The following NFYA variants were observed in gnomAD, a reference collection of about 807,000 sequenced individuals.
NFYA encodes CAAT-box DNA binding protein subunit A.
Under a neutral mutation model 52.8 loss-of-function variants are expected in NFYA, and 28 were observed. The observed-to-expected ratio is 0.53, with a 90% CI of 0.39 to 0.73. The LOEUF is 0.73. Among genes scored for constraint, NFYA ranks in the 30% least tolerant of loss-of-function variants. The probability of loss-of-function intolerance (pLI) is 0.00; values close to 1 mark genes in which losing one functional copy is unlikely to be tolerated. For synonymous variants in NFYA, 150 were observed against 150.7 expected (o/e 1.00, Z 0.03); for missense variants, 234 against 427.0 (o/e 0.55, Z 3.98).
chr6:41,091,604 CA>C lies in NFYA; in HGVS notation c.626del (p.Asn209IlefsTer14). On this transcript the variant is annotated frameshift_variant, in exon 7 of 10. Coordinates refer to ENST00000341376, the MANE Select transcript of NFYA (RefSeq NM_002505.5). LOFTEE classifies it high-confidence loss of function. The part of the protein sequence containing the change: ...AGAQIVQTGA[N>X]TNTTSSGQGT... ...GAGCACAGATTGTTCAAACAGGAGC[CA>C]ATACCAACACAACCAGCAGTGGGCA... 6.2e-7 allele frequency: 1 copy of C among 1,614,196 alleles called. No individual in the cohort carries two copies. The highest frequency in any genetic ancestry group is 8.5e-7 in the Non-Finnish European group (1 of 1,180,030).
chr6:41,096,448 T>C (rs1764360423), intron 9 of NFYA, among the ~76,000 whole-genome samples: 2 of 152,258 alleles, frequency 1.3e-5, no homozygotes. Context: ...CTTTTATTTT[T>C]ATCTGTAAAG....
intron 8 of NFYA, among the ~76,000 whole-genome samples, chr6:41,093,416 A>C (rs1309949314): frequency 6.6e-6 from 1 of 152,080 alleles, no homozygotes; most frequent in Non-Finnish European, 1.5e-5. Context: ...TCATGGTCCA[A>C]GATTCCTGCT....
chr6:41,075,506 ATTTC>A (rs1763709742), intron 1 of NFYA: 1 of 151,928 alleles, frequency 6.6e-6, no homozygotes, highest in South Asian at 2.1e-4. Context: ...CTGCAGAAGA[ATTTC>A]TTTGTCTGAC....
chr6:41,080,433 A>C (rs542804468), intron 2 of NFYA, among the ~76,000 whole-genome samples: 1 of 152,348 alleles, frequency 6.6e-6, no homozygotes, highest in South Asian at 2.1e-4. Context: ...TTTTTATGGT[A>C]GTTTCAGGGC....
chr6:41,082,273 T>G (rs1235215185), intron 3 of NFYA, among the ~76,000 whole-genome samples: 1 of 152,254 alleles, frequency 6.6e-6, no homozygotes, highest in South Asian at 2.1e-4. Flanking sequence ...CTTGTAGGCA[T>G]TCCAAAATTG....
intron 4 of NFYA, among the ~76,000 whole-genome samples, chr6:41,084,506 T>C (rs1020445728): frequency 6.6e-6 from 1 of 152,100 alleles, no homozygotes. Context: ...GTTAGAAAAA[T>C]AACAAAACGA....
At chr6:41,088,535 T>C (rs1349934333) in intron 4 of NFYA, among the ~76,000 whole-genome samples, 1 of 152,156 alleles carries the variant, frequency 6.6e-6, no homozygotes, top group Non-Finnish European at 1.5e-5. Flanking sequence ...CAAGGTGTTG[T>C]CCTGGGCTGC....
rs1335194251 is a variant in NFYA at position 41,100,430 on chromosome 6, C to T, written c.*3020C>T. Among the ~76,000 whole-genome samples, 8 of 152,184 alleles carry T rather than the reference C, an allele frequency of 5.3e-5. No homozygotes were observed. Among genetic ancestry groups the T allele is most frequent in the African/African-American group, 1.9e-4 (8 of 41,440 alleles). On this transcript the variant is annotated 3_prime_UTR_variant, in exon 10 of 10. Transcript: ENST00000341376. ...CTCACCTTGTTACTGTTTTACCTTA[C>T]GGTCGCTGGGAATCTAAGCAACAAA...
intron 3 of NFYA, among the ~76,000 whole-genome samples, chr6:41,083,557 A>G (rs1262742354): frequency 6.6e-6 from 1 of 152,180 alleles, no homozygotes; most frequent in African/African-American, 2.4e-5. Context: ...AAGCTTCCAG[A>G]GCTGCTTGCT....
intron 3 of NFYA, among the ~76,000 whole-genome samples, chr6:41,081,588 T>C (rs1763907076): frequency 6.6e-6 from 1 of 152,194 alleles, no homozygotes; most frequent in Admixed American, 6.5e-5. Flanking sequence ...GAAGGAAATA[T>C]ATACATATAC....
intron 4 of NFYA, among the ~76,000 whole-genome samples, chr6:41,084,574 AAAT>A (rs749967221): frequency 2.9e-4 from 44 of 152,398 alleles, no homozygotes; most frequent in Non-Finnish European, 4.4e-4. Context: ...AGGATAAATA[AAAT>A]CTAGATTGTT....
At chr6:41,073,436 C>G (rs958531352) in intron 1 of NFYA, among the ~76,000 whole-genome samples, 1 of 152,018 alleles carries the variant, frequency 6.6e-6, no homozygotes, top group African/African-American at 2.4e-5. Flanking sequence ...TGGCCCTACA[C>G]TAGGGGACAC....
At chr6:41,075,061 G>A (rs1029196961) in intron 1 of NFYA, among the ~76,000 whole-genome samples, 1 of 152,146 alleles carries the variant, frequency 6.6e-6, no homozygotes, top group Non-Finnish European at 1.5e-5. Flanking sequence ...TCACTTTTTA[G>A]GGTGAGTTTT....
intron 4 of NFYA, among the ~76,000 whole-genome samples, chr6:41,088,910 C>T (rs1410562796): frequency 1.3e-5 from 2 of 152,136 alleles, no homozygotes; most frequent in African/African-American, 4.8e-5. Flanking sequence ...ATAGTATTTC[C>T]TCTGTAAAAA....
At chr6:41,073,689 GC>G (rs1004412715) in intron 1 of NFYA, among the ~76,000 whole-genome samples, 4 of 152,048 alleles carry the variant, frequency 2.6e-5, no homozygotes, top group African/African-American at 9.7e-5. Context: ...AACGGGGCTG[GC>G]CCGCCCACGC....
chr6:41,074,407 G>A (rs1008591229), intron 1 of NFYA, among the ~76,000 whole-genome samples: 2 of 152,244 alleles, frequency 1.3e-5, no homozygotes, highest in Non-Finnish European at 2.9e-5. Flanking sequence ...CAGGTGAACA[G>A]GTAGTTAATA....
Position 41,102,274 on chromosome 6 carries a change from G to T in NFYA, c.*4864G>T, listed in dbSNP as rs1317632147. On this transcript the variant is annotated 3_prime_UTR_variant, in exon 10 of 10. Transcript: ENST00000341376. ...GTTGCCACTGAAAAGCTAGACCTTT[G>T]CCTATTATCTGCTAATCTACCCAGT... Among the ~76,000 whole-genome samples, 1 of 152,076 alleles carries T rather than the reference G, an allele frequency of 6.6e-6. No individual in the cohort carries two copies.
chr6:41,077,029 A>C (rs1304431762), intron 1 of NFYA, among the ~76,000 whole-genome samples: 1 of 152,230 alleles, frequency 6.6e-6, no homozygotes, highest in African/African-American at 2.4e-5. Flanking sequence ...TATTACCAGA[A>C]TAAACTAGTT....
At chr6:41,093,456 A>T (rs1057433537) in intron 8 of NFYA, among the ~76,000 whole-genome samples, 15 of 152,088 alleles carry the variant, frequency 9.9e-5, no homozygotes, top group African/African-American at 3.6e-4. Flanking sequence ...AAAGGGAACA[A>T]GAAAGGTACC....
Sources: allele counts gnomAD v4.1 joint callset (sites outside exome capture counted in the v4.1 genomes callset), GRCh38; gene constraint gnomAD v4.1.1; transcripts MANE v1.5; gene names NCBI Gene and HGNC (gene_info 2026-07-23, HGNC 2026-07-21).